DTNB: variants seen among roughly 807,000 people sequenced by gnomAD.
DTNB encodes the protein dystrobrevin beta.
Under a neutral mutation model 90.7 loss-of-function variants are expected in DTNB, and 63 were observed. The ratio of observed to expected loss-of-function variants is 0.69; its 90% confidence interval spans 0.57 to 0.86. DTNB has a LOEUF of 0.86. DTNB is among the 40% of genes least tolerant of loss of function. The pLI, the probability that DTNB is intolerant of heterozygous loss-of-function variation, is 0.00. For synonymous variants in DTNB, 277 were observed against 286.7 expected, an observed-to-expected ratio of 0.97 and a Z score of 0.34; for missense variants, 744 against 807.1, an observed-to-expected ratio of 0.92 and a Z score of 0.95.
Position 25,532,794 on chromosome 2 carries a change from T to C in DTNB, c.877-1197A>G, listed in dbSNP as rs182916969. On this transcript the variant is annotated intron_variant, in intron 8 of 20. Coordinates refer to ENST00000406818, the MANE Select transcript of DTNB (RefSeq NM_021907.5). ...TTTATTATCATATGTGCCACTTTAA[T>C]TGGAAAATAAAACATGGCTGCAGCT... Among the ~76,000 whole-genome samples, 14 of 152,328 alleles carry C rather than the reference T, an allele frequency of 9.2e-5. 1 individual carries two copies. The highest frequency in any genetic ancestry group is 1.3e-4 in the Admixed American group (2 of 15,306).
At chr2:25,491,273 G>C (rs992700558) in intron 9 of DTNB, among the ~76,000 whole-genome samples, 1 of 152,088 alleles carries the variant, frequency 6.6e-6, no homozygotes, top group African/African-American at 2.4e-5. Context: ...GAAATGGTTT[G>C]AGTAGATCCA....
chr2:25,413,370 C>T (rs1261717247), intron 16 of DTNB, among the ~76,000 whole-genome samples: 1 of 151,560 alleles, frequency 6.6e-6, no homozygotes, highest in Admixed American at 6.6e-5. Flanking sequence ...CACCCACTAA[C>T]TCGTCATTTA....
In DTNB at chr2:25,387,240, G is replaced by A. The variant is rs369646094; in HGVS notation, c.1825+49C>T. ...GCTGGCAAGGAAGTGAGAAGGGCGC[G>A]GGCAAGGCAGGGGAGGCCAGGAAGC... On this transcript the variant is annotated intron_variant, in intron 18 of 20. Transcript: ENST00000406818. This position sits in a 1 kb window ranked among gnomAD's most constrained non-coding sequence, Gnocchi z 4.5. 2.6e-5 allele frequency: 41 copies of A among 1,572,216 alleles called. No individual in the cohort carries two copies. The African/African-American group carries it at 3.2e-4, about 12-fold the overall frequency.
chr2:25,504,349 A>G (rs1437781689), intron 9 of DTNB, among the ~76,000 whole-genome samples: 1 of 147,886 alleles, frequency 6.8e-6, no homozygotes, highest in Non-Finnish European at 1.5e-5. Context: ...GGAAGGAAGG[A>G]GGAAGGAAGG....
chr2:25,458,847 G>A (rs2060479866), intron 10 of DTNB, among the ~76,000 whole-genome samples: 1 of 151,872 alleles, frequency 6.6e-6, no homozygotes, highest in African/African-American at 2.4e-5. Context: ...GGGTTTCACC[G>A]TGTTAGCCAG....
chr2:25,475,617 C>A (rs897682492), intron 10 of DTNB, among the ~76,000 whole-genome samples: 1 of 152,224 alleles, frequency 6.6e-6, no homozygotes, highest in Admixed American at 6.5e-5. Flanking sequence ...ATGAAACCGG[C>A]TTCTATCGGA....
chr2:25,526,986 A>T (rs2077304055), intron 9 of DTNB, among the ~76,000 whole-genome samples: 1 of 152,208 alleles, frequency 6.6e-6, no homozygotes, highest in African/African-American at 2.4e-5. Flanking sequence ...TAAATTAATA[A>T]CAAAAAGGCA....
At chr2:25,388,132 C>G in intron 17 of DTNB, 70 bp downstream of exon 17, 1 of 1,532,574 alleles carries the variant, frequency 6.5e-7, no homozygotes, top group Admixed American at 2.0e-5. Context: ...TGGAAAAAAC[C>G]TCAGCAGGAA....
chr2:25,586,510 C>CAA (rs1299315782), intron 6 of DTNB, among the ~76,000 whole-genome samples: 6 of 53,770 alleles, frequency 1.1e-4, no homozygotes, highest in Non-Finnish European at 1.6e-4. Context: ...ACTCTGTCTC[C>CAA]AAAAAAAAAA....
chr2:25,565,027 T>C (rs139143580), intron 8 of DTNB, among the ~76,000 whole-genome samples: 71 of 152,338 alleles, frequency 4.7e-4, no homozygotes, highest in Admixed American at 2.0e-3. Context: ...GGATTTTCTA[T>C]ATACAAGATC....
intron 1 of DTNB, among the ~76,000 whole-genome samples, chr2:25,660,267 G>A (rs1190616684): frequency 6.6e-6 from 1 of 152,246 alleles, no homozygotes; most frequent in Non-Finnish European, 1.5e-5. Flanking sequence ...AAGTACTGAA[G>A]CATGCTACAA....
chr2:25,613,813 C>A (rs919728264), intron 4 of DTNB, among the ~76,000 whole-genome samples: 3 of 152,100 alleles, frequency 2.0e-5, no homozygotes, highest in African/African-American at 7.2e-5. Context: ...CAAAAATTAG[C>A]CGGGCGTGGT....
chr2:25,634,531 C>G (rs1434208434), intron 3 of DTNB, among the ~76,000 whole-genome samples: 1 of 148,428 alleles, frequency 6.7e-6, no homozygotes, highest in African/African-American at 2.4e-5. Flanking sequence ...CCCCTCTGCC[C>G]GGCCACCACC....
chr2:25,382,253 C>A (rs1470351574), intron 19 of DTNB, among the ~76,000 whole-genome samples: 1 of 152,180 alleles, frequency 6.6e-6, no homozygotes, highest in Non-Finnish European at 1.5e-5. Flanking sequence ...TATCTCATCA[C>A]CCCATTTATT....
rs1359160891 is a variant in DTNB at position 25,634,418 on chromosome 2, G to C, written c.148+4596C>G. Among the ~76,000 whole-genome samples the C allele has an allele frequency of 1.4e-4, 20 of 147,148 alleles. 1 individual carries two copies. Among genetic ancestry groups the C allele is most frequent in the African/African-American group, 5.0e-4 (20 of 39,988 alleles). ...GCCCCCCCGCCCGGCCACCCGCCCC[G>C]TCCGGGAGGGAGGTGGGGGGGTCAG... is the stretch of plus-strand genomic sequence containing the variant. On this transcript the variant is annotated intron_variant, in intron 3 of 20. Coordinates refer to ENST00000406818, the MANE Select transcript of DTNB (RefSeq NM_021907.5).
At chr2:25,630,783 G>T (rs2075499522) in intron 3 of DTNB, among the ~76,000 whole-genome samples, 1 of 140,920 alleles carries the variant, frequency 7.1e-6, no homozygotes, top group South Asian at 2.2e-4. Context: ...GGCGGAGCTT[G>T]CAGTGAGCCA....
At chr2:25,467,261 G>T (rs947219648) in intron 10 of DTNB, among the ~76,000 whole-genome samples, 5 of 151,526 alleles carry the variant, frequency 3.3e-5, no homozygotes, top group African/African-American at 9.7e-5. Context: ...AGATGTAAAG[G>T]CCTACTAAAT....
chr2:25,527,889 G>C (rs2077464247), intron 9 of DTNB, among the ~76,000 whole-genome samples: 1 of 151,944 alleles, frequency 6.6e-6, no homozygotes, highest in Non-Finnish European at 1.5e-5. Context: ...AAGAGAGAAT[G>C]CTCCCCCATT....
At chr2:25,467,032 T>C (rs1193167424) in intron 10 of DTNB, among the ~76,000 whole-genome samples, 1 of 152,204 alleles carries the variant, frequency 6.6e-6, no homozygotes, top group Non-Finnish European at 1.5e-5. Context: ...ATAGTCCTTC[T>C]ACCAGTTACT....
Sources: allele counts gnomAD v4.1 joint callset (sites outside exome capture counted in the v4.1 genomes callset), GRCh38; gene constraint gnomAD v4.1.1; non-coding constraint Gnocchi (gnomAD v3.1); transcripts MANE v1.5; gene names NCBI Gene and HGNC (gene_info 2026-07-23, HGNC 2026-07-21).